The following SGCZ variants were observed in gnomAD, a reference collection of about 807,000 sequenced individuals.
SGCZ encodes the protein zeta-sarcoglycan.
In SGCZ, 40 loss-of-function variants were observed where a neutral mutation model predicts 41.3. The observed-to-expected ratio is 0.97, with a 90% CI of 0.75 to 1.26. SGCZ has a LOEUF of 1.26. Ranked by LOEUF, SGCZ falls within the 50% of genes most tolerant of loss-of-function variation. SGCZ has a pLI of 0.00. For synonymous variants in SGCZ, 206 were observed against 137.5 expected (o/e 1.50, Z -3.49); for missense variants, 552 against 369.8 (o/e 1.49, Z -4.04).
At chr8:14,923,053 G>T (rs1439914648) in intron 1 of SGCZ, among the ~76,000 whole-genome samples, 1 of 152,078 alleles carries the variant, frequency 6.6e-6, no homozygotes, top group Non-Finnish European at 1.5e-5. Context: ...TTTTTTAAAG[G>T]GCAATTACAT....
chr8:14,637,359 A>C (rs1806866233), intron 1 of SGCZ, among the ~76,000 whole-genome samples: 1 of 151,020 alleles, frequency 6.6e-6, no homozygotes, highest in South Asian at 2.1e-4. Context: ...GTACACGTGC[A>C]GGTTTGTTAC....
chr8:14,945,086 A>G (rs951320451), intron 1 of SGCZ, among the ~76,000 whole-genome samples: 2 of 145,580 alleles, frequency 1.4e-5, no homozygotes, highest in Admixed American at 7.2e-5. Context: ...CAAGTACAAC[A>G]TGCACAAGGA....
chr8:14,691,640 C>T (rs908862902), intron 1 of SGCZ, among the ~76,000 whole-genome samples: 27 of 151,894 alleles, frequency 1.8e-4, no homozygotes, highest in African/African-American at 6.5e-4. Flanking sequence ...ATATTTGACT[C>T]ATATAGTAGA....
intron 1 of SGCZ, among the ~76,000 whole-genome samples, chr8:14,617,412 T>C (rs1806140755): frequency 6.6e-6 from 1 of 152,192 alleles, no homozygotes; most frequent in African/African-American, 2.4e-5. Flanking sequence ...ATTATCACGT[T>C]TCATTTATCT....
intron 1 of SGCZ, among the ~76,000 whole-genome samples, chr8:15,229,198 T>TA (rs988104419): frequency 2.2e-4 from 33 of 149,820 alleles, no homozygotes; most frequent in East Asian, 1.4e-3. Context: ...TCTCAAAAAA[T>TA]AAAAAAAAAT....
rs368506354 is a variant in SGCZ, at chr8:14,657,387, C to T, written c.40-102461G>A. Among the ~76,000 whole-genome samples the T allele has an allele frequency of 7.6e-4, 115 of 151,984 alleles. 1 individual carries two copies. The highest frequency in any genetic ancestry group is 2.7e-3 in the East Asian group (14 of 5,184). ...TAGCATAACTATATATGCATCAATA[C>T]GCATATTTGACAGCTAATATTAAAA... is the stretch of plus-strand genomic sequence containing the variant. On this transcript the variant is annotated intron_variant, in intron 1 of 7. Transcript: ENST00000382080.
intron 1 of SGCZ, among the ~76,000 whole-genome samples, chr8:14,907,793 T>C (rs1799163812): frequency 6.6e-6 from 1 of 152,204 alleles, no homozygotes; most frequent in African/African-American, 2.4e-5. Context: ...TCACTAACTT[T>C]TCTGCAAAGA....
rs146164517 is a variant in SGCZ, at chr8:14,087,305, GT to G, written c.*3137del. ...TTTGGAAGTTTTTGTTGTTCTTGCT[GT>G]TTTTTTTTGAAGTATTTAATTGAAA... On this transcript the variant is annotated 3_prime_UTR_variant, in exon 8 of 8. Coordinates refer to ENST00000382080, the MANE Select transcript of SGCZ (RefSeq NM_139167.4). 0.62 allele frequency among the ~76,000 whole-genome samples: 93,372 copies of G among 150,656 alleles called. 31,904 individuals carry two copies. The highest frequency in any genetic ancestry group is 0.79 in the Non-Finnish European group (52,933 of 67,426).
At chr8:15,009,686 C>G (rs554588408) in intron 1 of SGCZ, among the ~76,000 whole-genome samples, 1 of 152,290 alleles carries the variant, frequency 6.6e-6, no homozygotes, top group South Asian at 2.1e-4. Flanking sequence ...CGGAAGATAA[C>G]TCTCAGGCTC....
chr8:14,668,610 T>A (rs1049431879), intron 1 of SGCZ, among the ~76,000 whole-genome samples: 4 of 152,136 alleles, frequency 2.6e-5, no homozygotes, highest in Non-Finnish European at 1.5e-5. Flanking sequence ...GTCTTATAAA[T>A]AATTACCTTT....
At chr8:14,535,472 A>T (rs1457372830) in intron 2 of SGCZ, among the ~76,000 whole-genome samples, 2 of 151,896 alleles carry the variant, frequency 1.3e-5, no homozygotes, top group Non-Finnish European at 2.9e-5. Flanking sequence ...TAGCAATGAC[A>T]ATCTTTATTA....
chr8:14,763,153 C>T (rs1207529951), intron 1 of SGCZ, among the ~76,000 whole-genome samples: 1 of 152,116 alleles, frequency 6.6e-6, no homozygotes, highest in East Asian at 1.9e-4. Flanking sequence ...CCTCTATAGT[C>T]AGATACTGGT....
Position 14,747,473 on chromosome 8 carries a change from A to G in SGCZ, c.40-192547T>C, listed in dbSNP as rs1799368319. ...CCATACACAGAATTCTAACACATAT[A>G]CTTATATCCGTGCACATGCCATTAC... On this transcript the variant is annotated intron_variant, in intron 1 of 7. Coordinates refer to ENST00000382080, the MANE Select transcript of SGCZ (RefSeq NM_139167.4). Among the ~76,000 whole-genome samples, 5 of 152,102 alleles carry G rather than the reference A, an allele frequency of 3.3e-5. No homozygotes were observed. In the South Asian group the frequency reaches 1.0e-3, roughly 32 times the overall value.
intron 1 of SGCZ, among the ~76,000 whole-genome samples, chr8:14,567,186 C>T (rs539388270): frequency 2.0e-4 from 30 of 152,322 alleles, no homozygotes; most frequent in African/African-American, 6.3e-4. Context: ...TCCACAGCGC[C>T]GGGTCCCATG....
chr8:14,352,845 C>T (rs953483272), intron 2 of SGCZ, among the ~76,000 whole-genome samples: 3 of 152,048 alleles, frequency 2.0e-5, no homozygotes, highest in African/African-American at 7.2e-5. Context: ...TTTTAGGTGT[C>T]TTTTAACACC....
At chr8:14,525,555 C>G (rs1802921287) in intron 2 of SGCZ, among the ~76,000 whole-genome samples, 1 of 152,012 alleles carries the variant, frequency 6.6e-6, no homozygotes, top group South Asian at 2.1e-4. Flanking sequence ...TTATATATTT[C>G]TCATTTGAGA....
In SGCZ at chr8:14,295,858, C is replaced by G. The variant is rs148406524; in HGVS notation, c.336+28245G>C. Among the ~76,000 whole-genome samples the G allele has an allele frequency of 4.5e-4, 69 of 152,244 alleles. 1 individual carries two copies. In the East Asian group the frequency reaches 9.5e-3, roughly 21 times the overall value. ...AGGTAGGGTACTGCACAGGAGGGAA[C>G]TGCACAGAGAAAGAGCCTCACAATT... On this transcript the variant is annotated intron_variant, in intron 3 of 7. Coordinates refer to ENST00000382080, the MANE Select transcript of SGCZ (RefSeq NM_139167.4).
chr8:14,726,177 T>G (rs1810043816), intron 1 of SGCZ, among the ~76,000 whole-genome samples: 1 of 149,852 alleles, frequency 6.7e-6, no homozygotes, highest in Admixed American at 6.7e-5. Context: ...GAGAATCACT[T>G]GAACCTGGGA....
chr8:14,402,592 T>G (rs1038655395), intron 2 of SGCZ, among the ~76,000 whole-genome samples: 4 of 143,438 alleles, frequency 2.8e-5, no homozygotes, highest in Non-Finnish European at 5.9e-5. Context: ...AAAGATCAGA[T>G]AGTTGTAGAT....
Sources: gnomAD v4.1 joint callset for allele counts (sites outside exome capture counted in the v4.1 genomes callset) on GRCh38, gnomAD v4.1.1 for gene constraint, MANE v1.5 for transcripts, NCBI Gene and HGNC (gene_info 2026-07-23, HGNC 2026-07-21) for gene names.